The following PRH1 variants were observed in gnomAD, a reference collection of about 807,000 sequenced individuals.
The protein encoded by PRH1 is salivary acidic proline-rich phosphoprotein 1/2.
In PRH1, 7 loss-of-function variants were observed where a neutral mutation model predicts 7.9. The ratio of observed to expected loss-of-function variants is 0.89; its 90% CI spans 0.50 to 1.67. The LOEUF (loss-of-function observed/expected upper bound fraction) is 1.67, where lower values mean the gene tolerates loss of function less well. Ranked by LOEUF, PRH1 falls within the 40% of genes most tolerant of loss-of-function variation. The pLI, the probability that PRH1 is intolerant of heterozygous loss-of-function variation, is 0.00. For synonymous variants in PRH1, 45 were observed against 80.8 expected, an observed-to-expected ratio of 0.56 and a Z score of 2.38; for missense variants, 109 against 223.6, an observed-to-expected ratio of 0.49 and a Z score of 3.27.
intron 1 of PRH1, among the ~76,000 whole-genome samples, chr12:11,150,334 G>A (rs1477566223): frequency 6.6e-6 from 1 of 152,012 alleles, no homozygotes; most frequent in Non-Finnish European, 1.5e-5. Flanking sequence ...AAACCCAAAG[G>A]ACTATAAATC....
intron 1 of PRH1, among the ~76,000 whole-genome samples, chr12:11,143,707 A>G (rs527825802): frequency 6.6e-6 from 1 of 152,364 alleles, no homozygotes; most frequent in South Asian, 2.1e-4. Flanking sequence ...GACAAAATAG[A>G]TTTCAAGACA....
At chr12:10,981,789 C>T (rs1939368808) in intron 1 of PRH1, among the ~76,000 whole-genome samples, 1 of 151,906 alleles carries the variant, frequency 6.6e-6, no homozygotes, top group East Asian at 1.9e-4. Flanking sequence ...ACTCGAATTC[C>T]TGGGCTAAAG....
At chr12:11,129,980 A>C (rs1021024559) in intron 1 of PRH1, among the ~76,000 whole-genome samples, 4 of 152,102 alleles carry the variant, frequency 2.6e-5, no homozygotes, top group Non-Finnish European at 5.9e-5. Flanking sequence ...GTGACATCCC[A>C]GCCCTACAAA....
chr12:10,944,639 T>G (rs1364232416), intron 2 of PRH1, among the ~76,000 whole-genome samples: 1 of 152,156 alleles, frequency 6.6e-6, no homozygotes. Context: ...CTGTTGCTGG[T>G]TTTCAAGAGG....
intron 1 of PRH1, among the ~76,000 whole-genome samples, chr12:11,149,473 A>G (rs1372700925): frequency 1.3e-5 from 2 of 151,834 alleles, no homozygotes; most frequent in Non-Finnish European, 2.9e-5. Context: ...AAACAGAGAT[A>G]TAGATCAATG....
intron 1 of PRH1, among the ~76,000 whole-genome samples, chr12:11,095,016 G>A (rs1435323690): frequency 3.6e-5 from 2 of 55,384 alleles, no homozygotes; most frequent in Admixed American, 2.0e-4. Context: ...AGCCTACTTT[G>A]AACGCTGTAT....
intron 2 of PRH1, among the ~76,000 whole-genome samples, chr12:10,931,442 C>G (rs774525642): frequency 2.4e-4 from 36 of 152,296 alleles, no homozygotes; most frequent in Non-Finnish European, 4.3e-4. Context: ...TCAGTCCTGC[C>G]TCACACTAGC....
At chr12:10,986,758 A>G in intron 1 of PRH1, 1 of 1,610,954 alleles carries the variant, frequency 6.2e-7, no homozygotes, top group Non-Finnish European at 8.5e-7. Flanking sequence ...CTCTTCACCC[A>G]GTCAATGAAA....
chr12:11,000,030 T>C (rs1246997456), intron 1 of PRH1, among the ~76,000 whole-genome samples: 1 of 152,144 alleles, frequency 6.6e-6, no homozygotes, highest in African/African-American at 2.4e-5. Flanking sequence ...AATACTACTA[T>C]CAGCATTATT....
At position 11,070,593 on chromosome 12, in the gene PRH1, C is replaced by G. The variant is rs1487592242; in HGVS notation, n.124-23405G>C. Among the ~76,000 whole-genome samples, 8 of 152,300 alleles carry G rather than the reference C, an allele frequency of 5.3e-5. No individual in the cohort carries two copies. The East Asian group carries it at 9.7e-4, about 18-fold the overall frequency. ...GCTCTCTTTTTAATAAACTTCCATT[C>G]CTGCTCAGAAACTTCCTTCAGTCTC... On this transcript the variant is annotated intron_variant and non_coding_transcript_variant, in intron 1 of 4. Coordinates refer to the PRH1 transcript ENST00000541977.
chr12:11,061,348 A>G (rs377680929), intron 1 of PRH1: 295 of 1,605,764 alleles, frequency 1.8e-4, no homozygotes, highest in Middle Eastern at 6.6e-4. Context: ...AAGATACACA[A>G]TGCTGCTCTT....
intron 1 of PRH1, among the ~76,000 whole-genome samples, chr12:11,108,553 G>A (rs1230030098): frequency 1.3e-5 from 2 of 152,164 alleles, no homozygotes; most frequent in Non-Finnish European, 1.5e-5. Flanking sequence ...CCTCACCCGG[G>A]AAGTGCAAGG....
intron 2 of PRH1, among the ~76,000 whole-genome samples, chr12:10,957,219 G>A (rs1055108719): frequency 6.6e-5 from 10 of 151,864 alleles, no homozygotes; most frequent in Non-Finnish European, 1.3e-4. Context: ...AAACAGGCAC[G>A]TAGACCAAGG....
intron 1 of PRH1, among the ~76,000 whole-genome samples, chr12:11,111,837 C>A (rs749007693): frequency 2.0e-5 from 3 of 152,024 alleles, no homozygotes; most frequent in Non-Finnish European, 2.9e-5. Flanking sequence ...ACACCTAAAA[C>A]CCTTCAGAAA....
chr12:10,885,489 A>C (rs780825656), upstream of PRH1, among the ~76,000 whole-genome samples: 27 of 151,968 alleles, frequency 1.8e-4, 1 homozygote, highest in South Asian at 4.1e-4. Flanking sequence ...TTTTGTCTGT[A>C]TAATTTGACA....
At chr12:11,129,743 C>T (rs1480753973) in intron 1 of PRH1, among the ~76,000 whole-genome samples, 2 of 151,748 alleles carry the variant, frequency 1.3e-5, no homozygotes, top group African/African-American at 4.8e-5. Flanking sequence ...AAAATCAAAA[C>T]AATTTGCCTT....
At chr12:11,022,419 C>G in intron 1 of PRH1, 1 of 1,614,112 alleles carries the variant, frequency 6.2e-7, no homozygotes, top group Non-Finnish European at 8.5e-7. Flanking sequence ...TGGAGACCAC[C>G]AGAGCAGTGA....
intron 1 of PRH1, among the ~76,000 whole-genome samples, chr12:10,991,604 CAT>C (rs1328350573): frequency 6.6e-6 from 1 of 151,962 alleles, no homozygotes; most frequent in African/African-American, 2.4e-5. Flanking sequence ...AAATAAATAA[CAT>C]ATATGAATAA....
intron 1 of PRH1, among the ~76,000 whole-genome samples, chr12:11,088,870 A>G (rs1287795636): frequency 8.6e-6 from 1 of 116,120 alleles, no homozygotes; most frequent in African/African-American, 2.9e-5. Flanking sequence ...TGTAGGAGAC[A>G]GGAGAGCAAA....
Sources: allele counts gnomAD v4.1 joint callset (sites outside exome capture counted in the v4.1 genomes callset), GRCh38; gene constraint gnomAD v4.1.1; transcripts MANE v1.5; gene names NCBI Gene and HGNC (gene_info 2026-07-23, HGNC 2026-07-21).